The following ZBTB11 variants were observed in gnomAD, a reference collection of about 807,000 sequenced individuals.
ZBTB11 encodes the protein zinc finger and BTB domain-containing protein 11.
ZBTB11 carries 68 observed loss-of-function variants against 113.1 expected under a neutral mutation model. The ratio of observed to expected loss-of-function variants is 0.60; its 90% CI spans 0.49 to 0.74. The LOEUF (loss-of-function observed/expected upper bound fraction) is 0.74, where lower values mean the gene tolerates loss of function less well. Among genes scored for constraint, ZBTB11 ranks in the 30% least tolerant of loss-of-function variants. The pLI is 0.00. For missense variants in ZBTB11, 1,104 were observed against 1,279.4 expected (o/e 0.86, Z 2.09); for synonymous variants, 518 against 452.6 (o/e 1.14, Z -1.83).
intron 1 of ZBTB11, 127 bp from the exon 2 acceptor site, chr3:101,672,340 A>T: frequency 1.6e-6 from 1 of 608,872 alleles, no homozygotes; most frequent in Admixed American, 3.5e-5. Context: ...TAAAATATGT[A>T]GAGTTTATTA....
chr3:101,674,285 C>T (rs990253978), intron 1 of ZBTB11, among the ~76,000 whole-genome samples: 1 of 151,646 alleles, frequency 6.6e-6, no homozygotes, highest in African/African-American at 2.4e-5. Flanking sequence ...CACTGTGCTC[C>T]GGCCTGGGTG....
At chr3:101,674,595 G>T (rs890775363) in intron 1 of ZBTB11, among the ~76,000 whole-genome samples, 9 of 151,416 alleles carry the variant, frequency 5.9e-5, no homozygotes, top group African/African-American at 2.2e-4. Context: ...AGCTACTCTG[G>T]AGACTGAGGC....
chr3:101,670,878 C>CA (rs747943030), intron 3 of ZBTB11: 12 of 408,296 alleles, frequency 2.9e-5, no homozygotes, highest in African/African-American at 4.0e-5. Flanking sequence ...CTGTTTTTAA[C>CA]AGTTTAAATC....
intron 8 of ZBTB11, among the ~76,000 whole-genome samples, chr3:101,653,748 C>G (rs1272653317): frequency 6.6e-6 from 1 of 152,064 alleles, no homozygotes; most frequent in Non-Finnish European, 1.5e-5. Flanking sequence ...TCAACCTTAC[C>G]AGGAACTCTA....
chr3:101,676,760 C>A lies in ZBTB11; in HGVS notation c.155G>T (p.Arg52Leu). Residue 52 changes from arginine to leucine, a missense_variant, in exon 1 of 11, where the codon CGG (arginine) becomes CTG (leucine). Physicochemically the swap from Arg to Leu is moderately radical, Grantham distance 102 (BLOSUM62 -2). This residue lies in a region of ZBTB11 where 245 missense variants were observed against 272.5 expected (regional missense o/e 0.90). Coordinates refer to ENST00000312938, the MANE Select transcript of ZBTB11 (RefSeq NM_014415.4). ...CGCGAAGGTCTTGCGGTGCCGCTGCCGCCGCTGGTAATACAGAGTCCCGCC... is the reference window on the plus strand; with the variant it reads ...CGCGAAGGTCTTGCGGTGCCGCTGCAGCCGCTGGTAATACAGAGTCCCGCC... Reference protein sequence around the residue: ...VRGGTLYYQRRQRHRKTFAEL... With the variant: ...VRGGTLYYQRLQRHRKTFAEL... 6.2e-7 allele frequency: 1 copy of A among 1,608,564 alleles called. No homozygotes were observed. Among genetic ancestry groups the A allele is most frequent in the South Asian group, 1.1e-5 (1 of 90,516 alleles).
intron 5 of ZBTB11, chr3:101,662,088 A>G: frequency 6.6e-6 from 1 of 152,022 alleles, no homozygotes; most frequent in Non-Finnish European, 1.5e-5. Flanking sequence ...AGTAGTGAGA[A>G]GGGGGTAAAG....
At chr3:101,673,855 G>C (rs1239762391) in intron 1 of ZBTB11, among the ~76,000 whole-genome samples, 1 of 152,082 alleles carries the variant, frequency 6.6e-6, no homozygotes, top group African/African-American at 2.4e-5. Context: ...TAGTATTCAA[G>C]CAATATTTTC....
At chr3:101,675,311 C>A (rs747531122) in intron 1 of ZBTB11, among the ~76,000 whole-genome samples, 3 of 152,152 alleles carry the variant, frequency 2.0e-5, no homozygotes, top group Non-Finnish European at 4.4e-5. Context: ...TTTGTCTGTC[C>A]TTACAGGAAT....
At chr3:101,657,383 G>A (rs1417472600) in intron 6 of ZBTB11, among the ~76,000 whole-genome samples, 1 of 151,796 alleles carries the variant, frequency 6.6e-6, no homozygotes, top group Non-Finnish European at 1.5e-5. Flanking sequence ...GCGTGTGCCT[G>A]TAGTTCCAGC....
Position 101,672,009 on chromosome 3 carries a change from T to C in ZBTB11, c.515A>G (p.Lys172Arg). 1.2e-6 allele frequency: 2 copies of C among 1,614,100 alleles called. No individual in the cohort carries two copies. Among genetic ancestry groups the C allele is most frequent in the Non-Finnish European group, 1.7e-6 (2 of 1,179,952 alleles). Residue 172 changes from lysine (K) to arginine (R), a missense_variant, in exon 2 of 11, where the codon AAG becomes AGG. Lys to Arg is a conservative substitution (Grantham distance 26). Coordinates refer to ENST00000312938, the MANE Select transcript of ZBTB11 (RefSeq NM_014415.4). ...SPTTASKPAK[K>R]KPVSKHELVF... ...AAGTTCATGTTTGGATACTGGCTTC[T>C]TTTTTGCAGGCTTGGATGCTGTAGT...
chr3:101,668,626 A>AG lies in ZBTB11; in HGVS notation c.778+2503_778+2504insC, dbSNP rs1217614765. Among the ~76,000 whole-genome samples, 55 of 151,958 alleles carry AG rather than the reference A, an allele frequency of 3.6e-4. 1 individual carries two copies. The highest frequency in any genetic ancestry group is 6.3e-4 in the Non-Finnish European group (43 of 67,964). On this transcript the variant is annotated intron_variant, in intron 3 of 10. Transcript: ENST00000312938. ...TGACAGAATAAGATTCTGTCAAAAA[A>AG]AAAAAAAAAGGGCTGAAAGAATTTT... is the stretch of plus-strand genomic sequence containing the variant.
chr3:101,651,788 G>A, intron 10 of ZBTB11, 105 bp from the exon 11 acceptor site: 2 of 1,197,486 alleles, frequency 1.7e-6, no homozygotes, highest in South Asian at 1.8e-5. Context: ...TAGCTCATAA[G>A]CCTTTCTATC....
chr3:101,657,154 A>C (rs1936813050), intron 6 of ZBTB11, among the ~76,000 whole-genome samples: 2 of 150,812 alleles, frequency 1.3e-5, no homozygotes, highest in South Asian at 4.2e-4. Flanking sequence ...AAAAAAAAAA[A>C]AACAAAAAAC....
chr3:101,661,233 CA>C (rs36039635), intron 5 of ZBTB11, among the ~76,000 whole-genome samples: 42,546 of 107,226 alleles, frequency 0.4, 7,333 homozygotes, highest in African/African-American at 0.55. Context: ...GACCCTGTCT[CA>C]AAAAAAAAAA....
At position 101,661,515 on chromosome 3, in the gene ZBTB11, T is replaced by C. The variant is rs75143293; in HGVS notation, c.1801-1487A>G. On this transcript the variant is annotated intron_variant, in intron 5 of 10. Transcript: ENST00000312938. Reference sequence around the variant, plus strand: ...CATAAATAATTAAAAGTTTGACTGATTGGCTGTAAGAATTCAAGCCAGAAA... The same window carrying C: ...CATAAATAATTAAAAGTTTGACTGACTGGCTGTAAGAATTCAAGCCAGAAA... Among the ~76,000 whole-genome samples, 1,058 of 152,350 alleles carry C rather than the reference T, an allele frequency of 6.9e-3. 16 individuals are homozygous for C. Among genetic ancestry groups the C allele is most frequent in the African/African-American group, 0.024 (1,002 of 41,586 alleles).
Position 101,648,950 on chromosome 3 carries a change from T to C in ZBTB11, c.*2216A>G, listed in dbSNP as rs923171244. 1 of 152,238 alleles carries C rather than the reference T, an allele frequency of 6.6e-6. No homozygotes were observed. Among genetic ancestry groups the C allele is most frequent in the East Asian group, 1.9e-4 (1 of 5,202 alleles). 9.4% of individuals were successfully genotyped at this position (152,238 alleles called of 1,614,324 possible). A position where few individuals can be genotyped will look rare whatever the true frequency, so the allele number is the denominator to read the frequency against. On this transcript the variant is annotated 3_prime_UTR_variant, in exon 11 of 11. Coordinates refer to ENST00000312938, the MANE Select transcript of ZBTB11 (RefSeq NM_014415.4). ...AGGATGGTAAATGCAGGGGATTTTA[T>C]TGCTGGATAAAGGTGGCTCTCAGCA...
intron 3 of ZBTB11, among the ~76,000 whole-genome samples, chr3:101,666,916 A>T (rs1937005391): frequency 6.6e-6 from 1 of 151,968 alleles, no homozygotes; most frequent in Non-Finnish European, 1.5e-5. Flanking sequence ...ATGCCCAGCT[A>T]ATTTTTGTAT....
intron 4 of ZBTB11, 106 bp from the exon 5 acceptor site, chr3:101,664,820 T>A: frequency 6.8e-7 from 1 of 1,465,652 alleles, no homozygotes; most frequent in Non-Finnish European, 9.2e-7. Context: ...CATTATCTTA[T>A]TAATACTGGC....
Position 101,659,941 on chromosome 3 carries a change from A to G in ZBTB11, c.1888T>C (p.Ser630Pro). The stretch of plus-strand genomic sequence containing the variant: ...GATGCTTCATTAGACGTGGAATTGG[A>G]CGAGGATGAAGAGGGTGCATCTTTT... Reference protein sequence around the residue: ...TRKDAPSSSSSNSTSNEASGT... With the variant: ...TRKDAPSSSSPNSTSNEASGT... Residue 630 changes from serine to proline, a missense_variant, in exon 6 of 11, where the codon TCC (serine) becomes CCC (proline). Physicochemically the swap from Ser to Pro is moderately conservative, Grantham distance 74. Transcript: ENST00000312938. 1 of 1,614,200 alleles carries G rather than the reference A, an allele frequency of 6.2e-7. No homozygotes were observed. Among genetic ancestry groups the G allele is most frequent in the Non-Finnish European group, 8.5e-7 (1 of 1,180,042 alleles).
Sources: gnomAD v4.1 joint callset for allele counts (sites outside exome capture counted in the v4.1 genomes callset) on GRCh38, gnomAD v4.1.1 for gene constraint, gnomAD v4.1.1 regional missense constraint, MANE v1.5 for transcripts, NCBI Gene and HGNC (gene_info 2026-07-23, HGNC 2026-07-21) for gene names.